Variants in ROR1 observed in about 807,000 individuals in gnomAD.
ROR1 encodes inactive tyrosine-protein kinase transmembrane receptor ROR1.
ROR1 carries 19 observed loss-of-function variants against 78.8 expected under a neutral mutation model. The ratio of observed to expected loss-of-function variants is 0.24; its 90% CI spans 0.17 to 0.35. The LOEUF (loss-of-function observed/expected upper bound fraction) is 0.35. Ranked by LOEUF, ROR1 falls within the 10% of genes least tolerant of loss-of-function variation. ROR1 has a pLI of 1.00. For synonymous variants in ROR1, 386 were observed against 433.6 expected, an observed-to-expected ratio of 0.89 and a Z score of 1.36; for missense variants, 917 against 1,177.8, an observed-to-expected ratio of 0.78 and a Z score of 3.24.
intron 4 of ROR1, among the ~76,000 whole-genome samples, chr1:64,052,669 T>C (rs1429083328): frequency 1.3e-5 from 2 of 152,188 alleles, no homozygotes; most frequent in East Asian, 3.8e-4. Flanking sequence ...CGCATCTCTG[T>C]TTTATATTAG....
chr1:63,937,065 T>C (rs569889579), intron 1 of ROR1, among the ~76,000 whole-genome samples: 1 of 152,280 alleles, frequency 6.6e-6, no homozygotes, highest in African/African-American at 2.4e-5. Flanking sequence ...GAGAAACATA[T>C]CAATTAGGAG....
At chr1:64,145,283 A>G (rs1649444099) in intron 7 of ROR1, among the ~76,000 whole-genome samples, 1 of 152,198 alleles carries the variant, frequency 6.6e-6, no homozygotes, top group Non-Finnish European at 1.5e-5. Context: ...CACAAATGTT[A>G]TGGAACAAAG....
chr1:63,889,469 G>A (rs1277159994), intron 1 of ROR1, among the ~76,000 whole-genome samples: 1 of 152,112 alleles, frequency 6.6e-6, no homozygotes, highest in East Asian at 1.9e-4. Flanking sequence ...CTGATCTGGT[G>A]AACTGCACTG....
At position 64,177,461 on chromosome 1, in the gene ROR1, C is replaced by A; in HGVS notation, c.1420C>A (p.Arg474Ser). 1.2e-6 allele frequency: 2 copies of A among 1,614,078 alleles called. No homozygotes were observed. The highest frequency in any genetic ancestry group is 1.3e-5 in the African/African-American group (1 of 75,036). ...TAAAGAGCTACCTCTTTCTGCTGTA[C>A]GCTTTATGGAAGAATTGGGTGAGTG... Reference protein sequence around the residue: ...KAKELPLSAVRFMEELGECAF... With the variant: ...KAKELPLSAVSFMEELGECAF... Residue 474 changes from arginine (R) to serine (S), a missense_variant, in exon 9 of 9, where the codon CGC becomes AGC. Arg to Ser is a moderately radical substitution (Grantham distance 110, BLOSUM62 -1). Coordinates refer to ENST00000371079, the MANE Select transcript of ROR1 (RefSeq NM_005012.4).
In ROR1 at chr1:64,177,808, C is replaced by T. The variant is rs779609145; in HGVS notation, c.1767C>T (p.His589=). 2.8e-5 allele frequency: 45 copies of T among 1,614,042 alleles called. No individual in the cohort carries two copies. Among genetic ancestry groups the T allele is most frequent in the Admixed American group, 6.7e-5 (4 of 60,006 alleles). Residue 589 remains histidine, a synonymous_variant, in exon 9 of 9, where the codon CAC becomes CAT. Coordinates refer to ENST00000371079, the MANE Select transcript of ROR1 (RefSeq NM_005012.4). ...EDGTVKSSLD[H]GDFLHIAIQI... Reference sequence around the variant, plus strand: ...GGACTGTGAAATCCAGCCTGGACCACGGAGATTTTCTGCACATTGCAATTC... The same window carrying T: ...GGACTGTGAAATCCAGCCTGGACCATGGAGATTTTCTGCACATTGCAATTC...
At chr1:63,984,008 A>G (rs1646231686) in intron 1 of ROR1, among the ~76,000 whole-genome samples, 1 of 152,062 alleles carries the variant, frequency 6.6e-6, no homozygotes, top group South Asian at 2.1e-4. Context: ...CTTTCTAAAC[A>G]CACCTCGACC....
intron 1 of ROR1, among the ~76,000 whole-genome samples, chr1:63,808,433 G>A (rs143637744): frequency 6.6e-6 from 1 of 152,180 alleles, no homozygotes; most frequent in South Asian, 2.1e-4. Context: ...ATTTACATGA[G>A]AGACAAATAT....
intron 2 of ROR1, among the ~76,000 whole-genome samples, chr1:64,042,814 G>T (rs1646754968): frequency 6.6e-6 from 1 of 152,218 alleles, no homozygotes; most frequent in South Asian, 2.1e-4. Flanking sequence ...TGAGTCAGAA[G>T]TATTTATGGT....
chr1:64,064,517 C>T (rs1476125251), intron 4 of ROR1, among the ~76,000 whole-genome samples: 3 of 152,140 alleles, frequency 2.0e-5, no homozygotes, highest in Admixed American at 6.5e-5. Context: ...AAGCAGGAAA[C>T]GGGCAAGGAA....
At chr1:63,820,757 A>G (rs1252388461) in intron 1 of ROR1, among the ~76,000 whole-genome samples, 3 of 152,184 alleles carry the variant, frequency 2.0e-5, no homozygotes, top group Non-Finnish European at 4.4e-5. Flanking sequence ...TTAGGACTTT[A>G]TAAGTCTTTT....
At chr1:64,003,344 A>G (rs1317614514) in intron 1 of ROR1, among the ~76,000 whole-genome samples, 1 of 152,224 alleles carries the variant, frequency 6.6e-6, no homozygotes, top group Non-Finnish European at 1.5e-5. Flanking sequence ...TACATGGTTA[A>G]AAAGTGATTT....
intron 4 of ROR1, among the ~76,000 whole-genome samples, chr1:64,117,788 C>T (rs552770054): frequency 6.6e-6 from 1 of 152,370 alleles, no homozygotes; most frequent in South Asian, 2.1e-4. Context: ...CACAACACCA[C>T]ACTGGTTCTC....
chr1:63,935,441 G>T (rs952414880), intron 1 of ROR1, among the ~76,000 whole-genome samples: 1 of 152,180 alleles, frequency 6.6e-6, no homozygotes, highest in Non-Finnish European at 1.5e-5. Context: ...ATTGTAGAGG[G>T]TGGCACAGAT....
chr1:63,947,112 G>A (rs558486377), intron 1 of ROR1, among the ~76,000 whole-genome samples: 37 of 152,242 alleles, frequency 2.4e-4, no homozygotes, highest in Admixed American at 6.5e-4. Context: ...CTGCTGTCTC[G>A]GTTCCACGGT....
At chr1:63,937,470 TC>T (rs1047959133) in intron 1 of ROR1, among the ~76,000 whole-genome samples, 22 of 152,126 alleles carry the variant, frequency 1.4e-4, no homozygotes, top group African/African-American at 5.3e-4. Flanking sequence ...AGCGCAGACA[TC>T]CTTCTAACTT....
chr1:64,031,761 T>G (rs910728305), intron 2 of ROR1, among the ~76,000 whole-genome samples: 1 of 152,250 alleles, frequency 6.6e-6, no homozygotes, highest in Non-Finnish European at 1.5e-5. Flanking sequence ...CACGTATTTC[T>G]GTCTTCTAAA....
chr1:63,815,221 G>A (rs1644883484), intron 1 of ROR1, among the ~76,000 whole-genome samples: 1 of 152,152 alleles, frequency 6.6e-6, no homozygotes, highest in South Asian at 2.1e-4. Context: ...TTTAATTAAT[G>A]TTGGTGAGAG....
In ROR1 at chr1:63,839,095, A is replaced by C. The variant is rs1013452533; in HGVS notation, c.91+64587A>C. Among the ~76,000 whole-genome samples the C allele has an allele frequency of 8.5e-5, 13 of 152,334 alleles. 1 individual carries two copies. In the East Asian group the frequency reaches 2.5e-3, roughly 29 times the overall value. ...CAACTAAGAATGCTTTTCTCAGAAC[A>C]TATCTGTTGTTAAGTGACGCATGGC... On this transcript the variant is annotated intron_variant, in intron 1 of 8. Transcript: ENST00000371079.
rs538603414 is a variant in ROR1, at chr1:64,081,786, G to A, written c.482+31070G>A. Among the ~76,000 whole-genome samples, 7 of 105,142 alleles carry A rather than the reference G, an allele frequency of 6.7e-5. No homozygotes were observed. The East Asian group carries it at 1.0e-3, about 15-fold the overall frequency. The allele number at this position is 105,142 out of a possible 152,430, so 69.0% of individuals were successfully genotyped here. A position where few individuals can be genotyped will look rare whatever the true frequency, so the allele number is the denominator to read the frequency against. Reference sequence around the variant, plus strand: ...ACACTGTCAAAAAAAAAAAAAAAGCGGCAAAATATAACACCCCCCACACAC... The same window carrying A: ...ACACTGTCAAAAAAAAAAAAAAAGCAGCAAAATATAACACCCCCCACACAC... On this transcript the variant is annotated intron_variant, in intron 4 of 8. Transcript: ENST00000371079.
Sources: allele counts gnomAD v4.1 joint callset (sites outside exome capture counted in the v4.1 genomes callset), GRCh38; gene constraint gnomAD v4.1.1; transcripts MANE v1.5; gene names NCBI Gene and HGNC (gene_info 2026-07-23, HGNC 2026-07-21).